The following RAB5C variants were observed in gnomAD, a reference collection of about 807,000 sequenced individuals.
RAB5C encodes the protein ras-related protein Rab-5C.
In RAB5C, 4 loss-of-function variants were observed where a neutral mutation model predicts 25.2. The ratio of observed to expected loss-of-function variants is 0.16; its 90% CI spans 0.08 to 0.36. RAB5C has a LOEUF of 0.36. Among genes scored for constraint, RAB5C ranks in the 10% least tolerant of loss-of-function variants. The pLI is 1.00. For synonymous variants in RAB5C, 100 were observed against 106.4 expected (o/e 0.94, Z 0.37); for missense variants, 199 against 283.8 (o/e 0.70, Z 2.15).
intron 1 of RAB5C, among the ~76,000 whole-genome samples, chr17:42,142,056 A>G (rs2079606265): frequency 6.6e-6 from 1 of 151,992 alleles, no homozygotes; most frequent in Non-Finnish European, 1.5e-5. Context: ...CCAATCTTGT[A>G]TCCTCCAGAG....
rs776510757 is a variant in RAB5C at position 42,130,458 on chromosome 17, A to G, written c.45T>C (p.Ala15=). The change falls in exon 2 of 6, where the codon GCT becomes GCC. Residue 15 remains alanine, a synonymous_variant. Transcript: ENST00000346213. The part of the protein sequence containing the change: ...GGAARPNGPA[A]GNKICQFKLV... ...GCTTAAATTGACAGATCTTGTTCCC[A>G]GCAGCTGGTCCATTGGGTCGTGCTG... The G allele has an allele frequency of 6.2e-7, 1 of 1,614,172 alleles. No individual in the cohort carries two copies. The highest frequency in any genetic ancestry group is 8.5e-7 in the Non-Finnish European group (1 of 1,180,014).
chr17:42,131,358 A>G (rs1018107050), intron 1 of RAB5C, among the ~76,000 whole-genome samples: 7 of 152,160 alleles, frequency 4.6e-5, no homozygotes, highest in Admixed American at 3.3e-4. Context: ...ACAGAAACAA[A>G]CACATAGTAA....
intron 1 of RAB5C, among the ~76,000 whole-genome samples, chr17:42,132,917 C>A (rs1009166737): frequency 5.9e-5 from 9 of 152,304 alleles, no homozygotes; most frequent in African/African-American, 1.7e-4. Flanking sequence ...CAGAACCCCC[C>A]AGACCCACCA....
intron 1 of RAB5C, among the ~76,000 whole-genome samples, chr17:42,144,117 T>A (rs1437012854): frequency 6.6e-6 from 1 of 152,026 alleles, no homozygotes; most frequent in African/African-American, 2.4e-5. Flanking sequence ...AAGTGTAAAA[T>A]AAATATCCTG....
intron 2 of RAB5C, 192 bp downstream of exon 2, chr17:42,130,145 G>T: frequency 1.5e-6 from 1 of 686,564 alleles, no homozygotes; most frequent in Non-Finnish European, 2.3e-6. Flanking sequence ...ATGCTTACTA[G>T]CGATGCTTGA....
chr17:42,152,900 G>A (rs1177513584), intron 1 of RAB5C, among the ~76,000 whole-genome samples: 4 of 152,148 alleles, frequency 2.6e-5, no homozygotes, highest in African/African-American at 9.7e-5. Context: ...GTGACAAACT[G>A]CGGTCTACTC....
chr17:42,140,099 C>T (rs550362657), intron 1 of RAB5C, among the ~76,000 whole-genome samples: 6 of 152,320 alleles, frequency 3.9e-5, no homozygotes, highest in African/African-American at 1.2e-4. Context: ...GCCACTTCTG[C>T]TGCTTCCCTA....
At chr17:42,141,514 G>A (rs1377113377) in intron 1 of RAB5C, among the ~76,000 whole-genome samples, 1 of 152,168 alleles carries the variant, frequency 6.6e-6, no homozygotes. Context: ...GGAAGTTGAG[G>A]GCTTAAATCT....
At chr17:42,146,096 C>T (rs143780022) in intron 1 of RAB5C, among the ~76,000 whole-genome samples, 3 of 152,142 alleles carry the variant, frequency 2.0e-5, no homozygotes, top group Admixed American at 6.5e-5. Flanking sequence ...CGTGAGTCAC[C>T]GCGCCTGGCC....
At chr17:42,150,416 C>T (rs1020310931) in intron 1 of RAB5C, among the ~76,000 whole-genome samples, 2 of 150,762 alleles carry the variant, frequency 1.3e-5, no homozygotes, top group East Asian at 2.0e-4. Context: ...TGGTGGCACA[C>T]GCCTATAATC....
In RAB5C at chr17:42,125,615, G is replaced by A; in HGVS notation, c.*168C>T. On this transcript the variant is annotated 3_prime_UTR_variant, in exon 6 of 6. Coordinates refer to ENST00000346213, the MANE Select transcript of RAB5C (RefSeq NM_004583.4). The stretch of plus-strand genomic sequence containing the variant: ...GTATTTGTACAGAAAGGTGCAGGTG[G>A]AATGACTCACTCCGGCCTATGATCA... The A allele has an allele frequency of 1.7e-6, 1 of 587,922 alleles. No homozygotes were observed. The highest frequency in any genetic ancestry group is 3.0e-6 in the Non-Finnish European group (1 of 329,730). The allele number at this position is 587,922 out of a possible 1,614,324, so 36.4% of individuals were successfully genotyped here.
intron 1 of RAB5C, among the ~76,000 whole-genome samples, chr17:42,142,104 C>T (rs2079606911): frequency 6.6e-6 from 1 of 151,366 alleles, no homozygotes; most frequent in Non-Finnish European, 1.5e-5. Flanking sequence ...GGGGAGAAAC[C>T]ATTACCATCC....
intron 1 of RAB5C, among the ~76,000 whole-genome samples, chr17:42,132,196 C>T (rs1391671293): frequency 6.6e-6 from 1 of 152,192 alleles, no homozygotes; most frequent in African/African-American, 2.4e-5. Flanking sequence ...CAAGTTCTCC[C>T]AGCAACTCAT....
At chr17:42,126,888 T>G in intron 4 of RAB5C, 40 bp from the exon 5 acceptor site, 3 of 1,378,996 alleles carry the variant, frequency 2.2e-6, no homozygotes, top group Non-Finnish European at 3.1e-6. Context: ...GAGGGAAATG[T>G]TGGCAGGGGC....
chr17:42,129,789 ATG>A (rs1038244480), intron 2 of RAB5C, among the ~76,000 whole-genome samples: 11 of 152,222 alleles, frequency 7.2e-5, no homozygotes, highest in African/African-American at 2.7e-4. Flanking sequence ...CTGCCTCTTG[ATG>A]TGTGTGTTAG....
At chr17:42,131,774 G>A (rs2054489041) in intron 1 of RAB5C, 2 of 632,616 alleles carry the variant, frequency 3.2e-6, no homozygotes, top group Non-Finnish European at 5.4e-6. Context: ...TTTTGTTTTT[G>A]TTAAGTTTTG....
At chr17:42,137,495 T>C (rs1054142061) in intron 1 of RAB5C, among the ~76,000 whole-genome samples, 1 of 152,164 alleles carries the variant, frequency 6.6e-6, no homozygotes, top group Non-Finnish European at 1.5e-5. Flanking sequence ...ATTTTGCATA[T>C]AATCATGAAA....
chr17:42,127,899 A>C (rs545671579), intron 4 of RAB5C, among the ~76,000 whole-genome samples: 77 of 150,958 alleles, frequency 5.1e-4, no homozygotes, highest in African/African-American at 1.8e-3. Flanking sequence ...CAATCACTGC[A>C]ATCTTAAACT....
intron 1 of RAB5C, among the ~76,000 whole-genome samples, chr17:42,144,670 T>C (rs2079621605): frequency 6.6e-6 from 1 of 151,914 alleles, no homozygotes; most frequent in African/African-American, 2.4e-5. Context: ...GGCTCACGCC[T>C]GTAATCCCAG....
Sources: allele counts gnomAD v4.1 joint callset (sites outside exome capture counted in the v4.1 genomes callset), GRCh38; gene constraint gnomAD v4.1.1; transcripts MANE v1.5; gene names NCBI Gene and HGNC (gene_info 2026-07-23, HGNC 2026-07-21).